Variants in PKP4 observed in about 807,000 individuals in gnomAD.
PKP4 encodes plakophilin-4.
A neutral mutation model predicts 145.1 loss-of-function variants in PKP4; 90 were observed. The observed-to-expected ratio is 0.62, with a 90% CI of 0.52 to 0.74. The LOEUF (loss-of-function observed/expected upper bound fraction) is 0.74. PKP4 is among the 30% of genes least tolerant of loss of function. The pLI is 0.00. For missense variants in PKP4, 1,340 were observed against 1,482.7 expected, an observed-to-expected ratio of 0.90 and a Z score of 1.58; for synonymous variants, 563 against 577.2, an observed-to-expected ratio of 0.98 and a Z score of 0.35.
chr2:158,476,027 T>C (rs1692415476), intron 1 of PKP4, among the ~76,000 whole-genome samples: 1 of 152,204 alleles, frequency 6.6e-6, no homozygotes, highest in Admixed American at 6.5e-5. Context: ...TCTCATAGAA[T>C]TCGTTTTCAT....
At chr2:158,673,547 C>G in intron 17 of PKP4, 130 bp from the exon 18 acceptor site, 1 of 708,314 alleles carries the variant, frequency 1.4e-6, no homozygotes, top group Non-Finnish European at 2.5e-6. Context: ...GTGGTGTGTC[C>G]TGCAGTAGCC....
At chr2:158,511,484 A>C (rs910409767) in intron 1 of PKP4, among the ~76,000 whole-genome samples, 8 of 152,188 alleles carry the variant, frequency 5.3e-5, no homozygotes, top group Non-Finnish European at 1.0e-4. Context: ...TGAATCCTAT[A>C]ATTTACCATT....
chr2:158,521,354 T>G (rs979723537), intron 1 of PKP4, among the ~76,000 whole-genome samples: 6 of 152,236 alleles, frequency 3.9e-5, no homozygotes, highest in Non-Finnish European at 8.8e-5. Flanking sequence ...ATCTAGATTT[T>G]CTCCTCTTCG....
chr2:158,553,606 G>C (rs1189166435), intron 2 of PKP4, among the ~76,000 whole-genome samples: 1 of 147,000 alleles, frequency 6.8e-6, no homozygotes, highest in African/African-American at 2.4e-5. Context: ...ATGACTTCAA[G>C]GATACAGCTT....
chr2:158,522,601 A>T (rs533808932), intron 1 of PKP4, among the ~76,000 whole-genome samples: 73 of 152,266 alleles, frequency 4.8e-4, no homozygotes, highest in African/African-American at 1.7e-3. Flanking sequence ...GTATGATTTT[A>T]AAAAAAGAGA....
At chr2:158,648,653 C>A (rs897154307) in intron 11 of PKP4, among the ~76,000 whole-genome samples, 6 of 152,208 alleles carry the variant, frequency 3.9e-5, no homozygotes, top group African/African-American at 1.2e-4. Context: ...CTAGCAACAT[C>A]TCCTCCCAAT....
chr2:158,587,716 G>A (rs957985481), intron 3 of PKP4, among the ~76,000 whole-genome samples: 3 of 151,824 alleles, frequency 2.0e-5, no homozygotes, highest in African/African-American at 7.3e-5. Flanking sequence ...CTCACATCCT[G>A]TAATTAAAAA....
At chr2:158,484,898 AG>A (rs1163657035) in intron 1 of PKP4, among the ~76,000 whole-genome samples, 1 of 152,238 alleles carries the variant, frequency 6.6e-6, no homozygotes, top group Non-Finnish European at 1.5e-5. Flanking sequence ...AAAGCTTTGC[AG>A]GTGACAATCA....
intron 1 of PKP4, among the ~76,000 whole-genome samples, chr2:158,512,546 A>G (rs980712874): frequency 2.6e-5 from 4 of 152,250 alleles, no homozygotes; most frequent in African/African-American, 9.6e-5. Flanking sequence ...TTACTCCAAC[A>G]GCTGTCCCAC....
At chr2:158,544,071 TCTC>T (rs749300123) in intron 2 of PKP4, among the ~76,000 whole-genome samples, 71 of 152,184 alleles carry the variant, frequency 4.7e-4, no homozygotes, top group Non-Finnish European at 8.5e-4. Context: ...CAGCCTGAAT[TCTC>T]CTCCCCACCC....
At chr2:158,611,274 T>C (rs2105870883) in intron 4 of PKP4, among the ~76,000 whole-genome samples, 1 of 152,326 alleles carries the variant, frequency 6.6e-6, no homozygotes, top group East Asian at 1.9e-4. Flanking sequence ...GGTATTGAAG[T>C]GGTATGATTT....
chr2:158,534,130 A>G (rs543883175), intron 2 of PKP4, among the ~76,000 whole-genome samples: 88 of 152,244 alleles, frequency 5.8e-4, no homozygotes, highest in African/African-American at 2.0e-3. Flanking sequence ...TTAAGCCACT[A>G]GATGTTTTTT....
chr2:158,484,573 GCCTGGTT>G (rs371634912), intron 1 of PKP4, among the ~76,000 whole-genome samples: 222 of 152,272 alleles, frequency 1.5e-3, no homozygotes, highest in African/African-American at 5.2e-3. Context: ...TAACTAAAAT[GCCTGGTT>G]CCTGTTGAAT....
chr2:158,639,380 G>A (rs2054092335), intron 9 of PKP4, among the ~76,000 whole-genome samples: 1 of 152,110 alleles, frequency 6.6e-6, no homozygotes, highest in Non-Finnish European at 1.5e-5. Flanking sequence ...ACAGGTGTGG[G>A]ATGACATGCC....
At chr2:158,565,437 T>C (rs2046889966) in intron 2 of PKP4, among the ~76,000 whole-genome samples, 1 of 97,690 alleles carries the variant, frequency 1.0e-5, no homozygotes, top group African/African-American at 2.8e-5. Flanking sequence ...CTTTTTTCCT[T>C]TTTTTTTTTT....
chr2:158,661,281 C>A, intron 12 of PKP4, 52 bp from the exon 13 acceptor site: 1 of 1,316,630 alleles, frequency 7.6e-7, no homozygotes, highest in Non-Finnish European at 1.1e-6. Flanking sequence ...GTCCACGTGG[C>A]TGATGAGTGC....
chr2:158,483,654 A>G (rs1293021760), intron 1 of PKP4, among the ~76,000 whole-genome samples: 3 of 152,066 alleles, frequency 2.0e-5, no homozygotes, highest in Non-Finnish European at 1.5e-5. Flanking sequence ...ATTTTTTTTT[A>G]ATGCCATTTT....
At chr2:158,565,411 A>G (rs897077856) in intron 2 of PKP4, among the ~76,000 whole-genome samples, 4 of 146,914 alleles carry the variant, frequency 2.7e-5, no homozygotes, top group Non-Finnish European at 6.0e-5. Context: ...CAAATCTGGA[A>G]CTTCTTTTTC....
At chr2:158,569,649 A>G (rs1559337768) in intron 2 of PKP4, among the ~76,000 whole-genome samples, 1 of 152,190 alleles carries the variant, frequency 6.6e-6, no homozygotes, top group Non-Finnish European at 1.5e-5. Flanking sequence ...AATACAACAA[A>G]TAAACTTTTT....
Sources: allele counts gnomAD v4.1 joint callset (sites outside exome capture counted in the v4.1 genomes callset), GRCh38; gene constraint gnomAD v4.1.1; transcripts MANE v1.5; gene names NCBI Gene and HGNC (gene_info 2026-07-23, HGNC 2026-07-21).